The following RAB38 variants were observed in gnomAD, a reference collection of about 807,000 sequenced individuals.
RAB38 encodes ras-related protein Rab-38.
Under a neutral mutation model 18.4 loss-of-function variants are expected in RAB38, and 15 were observed. The ratio of observed to expected loss-of-function variants is 0.82; its 90% CI spans 0.55 to 1.26. The LOEUF is 1.26. Ranked by LOEUF, RAB38 falls within the 50% of genes most tolerant of loss-of-function variation. RAB38 has a pLI of 0.00. For missense variants in RAB38, 294 were observed against 267.4 expected, an observed-to-expected ratio of 1.10 and a Z score of -0.69; for synonymous variants, 101 against 104.4, an observed-to-expected ratio of 0.97 and a Z score of 0.20.
the RAB38 span, among the ~76,000 whole-genome samples, chr11:88,057,388 C>T: frequency 6.6e-6 from 1 of 152,072 alleles, no homozygotes; most frequent in African/African-American, 2.4e-5. Flanking sequence ...GTTGAAATCC[C>T]AGCCCTGAAG....
the RAB38 span, among the ~76,000 whole-genome samples, chr11:87,844,280 G>T: frequency 5.9e-5 from 9 of 152,240 alleles, no homozygotes; most frequent in South Asian, 1.9e-3. Flanking sequence ...TAGAACTCAA[G>T]GTTTTTGTTT....
the RAB38 span, among the ~76,000 whole-genome samples, chr11:87,819,564 C>T: frequency 6.6e-6 from 1 of 151,244 alleles, no homozygotes; most frequent in Non-Finnish European, 1.5e-5. Flanking sequence ...AATTAATTTC[C>T]CCTGTAGATT....
the RAB38 span, among the ~76,000 whole-genome samples, chr11:88,073,460 A>G: frequency 6.6e-6 from 1 of 152,174 alleles, no homozygotes; most frequent in Admixed American, 6.5e-5. Flanking sequence ...GCCATCTAAT[A>G]CCAAAAAGAA....
chr11:87,810,968 G>A, the RAB38 span, among the ~76,000 whole-genome samples: 1 of 152,040 alleles, frequency 6.6e-6, no homozygotes, highest in African/African-American at 2.4e-5. Context: ...ATTTTAAAAA[G>A]GCTTTAGAAC....
At chr11:88,045,902 A>C in the RAB38 span, among the ~76,000 whole-genome samples, 2 of 152,106 alleles carry the variant, frequency 1.3e-5, no homozygotes, top group Admixed American at 1.3e-4. Flanking sequence ...TACTCTTTTA[A>C]GCACTCCTTT....
chr11:87,948,936 A>G, the RAB38 span, among the ~76,000 whole-genome samples: 15 of 151,748 alleles, frequency 9.9e-5, no homozygotes, highest in East Asian at 3.8e-4. Context: ...CTCTTTTTCT[A>G]TTGATTGGAA....
At chr11:88,077,170 T>C in the RAB38 span, among the ~76,000 whole-genome samples, 1 of 151,978 alleles carries the variant, frequency 6.6e-6, no homozygotes, top group Admixed American at 6.5e-5. Context: ...AGTTATTACA[T>C]ATTCATGGAT....
the RAB38 span, among the ~76,000 whole-genome samples, chr11:87,926,755 C>G: frequency 6.6e-6 from 1 of 151,942 alleles, no homozygotes; most frequent in East Asian, 1.9e-4. Flanking sequence ...AGGACCTGAC[C>G]GGCTAATCTG....
At chr11:87,941,345 TAC>T in the RAB38 span, among the ~76,000 whole-genome samples, 2 of 150,154 alleles carry the variant, frequency 1.3e-5, no homozygotes, top group Admixed American at 6.7e-5. Flanking sequence ...GTGTGCAACT[TAC>T]ACTCATCGCA....
chr11:88,086,605 A>G, the RAB38 span, among the ~76,000 whole-genome samples: 69 of 152,068 alleles, frequency 4.5e-4, no homozygotes, highest in African/African-American at 1.6e-3. Context: ...GGCAAGTCAC[A>G]GAGTTTAGAT....
At chr11:88,109,797 G>T (rs895031838), downstream of RAB38, among the ~76,000 whole-genome samples, 2 of 152,170 alleles carry the variant, frequency 1.3e-5, no homozygotes, top group Non-Finnish European at 2.9e-5. Flanking sequence ...TTAGAGAAAT[G>T]CAAATCAAAA....
chr11:87,895,234 A>G, the RAB38 span, among the ~76,000 whole-genome samples: 1 of 164 alleles, frequency 6.1e-3, no homozygotes, highest in African/African-American at 0.012. Context: ...TCTTGCCCAT[A>G]TCATTATGTG....
chr11:87,943,554 C>A, the RAB38 span, among the ~76,000 whole-genome samples: 1 of 152,102 alleles, frequency 6.6e-6, no homozygotes, highest in Non-Finnish European at 1.5e-5. Context: ...TTTTCTCGCC[C>A]ATCTTGGTTT....
intron 2 of RAB38, among the ~76,000 whole-genome samples, chr11:88,134,773 C>T (rs11601042): frequency 0.25 from 37,437 of 152,168 alleles, 4,697 homozygotes; most frequent in Non-Finnish European, 0.28. Context: ...TTCAACAAAA[C>T]CACTGCAACG....
the RAB38 span, among the ~76,000 whole-genome samples, chr11:87,961,545 A>T: frequency 6.6e-6 from 1 of 152,090 alleles, no homozygotes; most frequent in Non-Finnish European, 1.5e-5. Flanking sequence ...CCCATCTGAG[A>T]CCCAAATCTA....
At chr11:88,115,228 T>C (rs1472673304) in intron 2 of RAB38, among the ~76,000 whole-genome samples, 3 of 148,900 alleles carry the variant, frequency 2.0e-5, no homozygotes, top group African/African-American at 5.1e-5. Context: ...TTTGTAGAAC[T>C]TCTTTGATGT....
At chr11:88,151,437 A>G (rs1239549196) in intron 1 of RAB38, among the ~76,000 whole-genome samples, 1 of 152,224 alleles carries the variant, frequency 6.6e-6, no homozygotes, top group Non-Finnish European at 1.5e-5. Flanking sequence ...ATGGTTGCTG[A>G]AGACAGGAGC....
the RAB38 span, among the ~76,000 whole-genome samples, chr11:87,827,766 A>G: frequency 6.6e-6 from 1 of 152,198 alleles, no homozygotes; most frequent in Non-Finnish European, 1.5e-5. Flanking sequence ...ACTCATCAGC[A>G]CACTGAATTT....
the RAB38 span, among the ~76,000 whole-genome samples, chr11:87,976,222 TACCTATATATATATAC>T: frequency 6.8e-6 from 1 of 146,582 alleles, no homozygotes; most frequent in Non-Finnish European, 1.5e-5. Context: ...TTTATGTATA[TACCTATATATATATAC>T]ACCTTCATAT....
Sources: allele counts gnomAD v4.1 joint callset (sites outside exome capture counted in the v4.1 genomes callset), GRCh38; gene constraint gnomAD v4.1.1; transcripts MANE v1.5; gene names NCBI Gene and HGNC (gene_info 2026-07-23, HGNC 2026-07-21).